Variants in CEP120 observed in about 807,000 individuals in gnomAD.
The protein encoded by CEP120 is centrosomal protein of 120 kDa.
In CEP120, 113 loss-of-function variants were observed where a neutral mutation model predicts 126.5. That is an observed-to-expected ratio of 0.89 (90% CI 0.77 to 1.04). The LOEUF (loss-of-function observed/expected upper bound fraction) is 1.04. CEP120 is among the 50% of genes least tolerant of loss of function. The pLI, the probability that CEP120 is intolerant of heterozygous loss-of-function variation, is 0.00. For synonymous variants in CEP120, 400 were observed against 394.3 expected, an observed-to-expected ratio of 1.01 and a Z score of -0.17; for missense variants, 1,230 against 1,155.7, an observed-to-expected ratio of 1.06 and a Z score of -0.93.
At chr5:123,362,793 C>T (rs542970044) in intron 18 of CEP120, among the ~76,000 whole-genome samples, 8 of 151,764 alleles carry the variant, frequency 5.3e-5, no homozygotes, top group South Asian at 2.1e-4. Context: ...CAAAGGACTC[C>T]TTTATGTCTA....
In CEP120 at chr5:123,386,549, T is replaced by C. The variant is rs374881013; in HGVS notation, c.1549A>G (p.Met517Val). ...AAGGTGTCTTGCAGCTGATGAGGCA[T>C]AGTTGCAAAATCAAATGCACAGTAA... is the stretch of plus-strand genomic sequence containing the variant. ...QSYCAFDFAT[M>V]PHQLQDTFLR... is the part of the protein sequence containing the mutation. The change falls in exon 10 of 20, where the codon ATG becomes GTG. Residue 517 changes from methionine (M) to valine (V), a missense_variant. Met to Val is a conservative substitution (Grantham distance 21). Coordinates refer to ENST00000306467, the MANE Select transcript of CEP120 (RefSeq NM_001375405.1). 12 of 1,586,244 alleles carry C rather than the reference T, an allele frequency of 7.6e-6. No homozygotes were observed. Among genetic ancestry groups the C allele is most frequent in the Non-Finnish European group, 7.7e-6 (9 of 1,168,416 alleles).
chr5:123,350,913 C>G (rs1769158930), intron 18 of CEP120, among the ~76,000 whole-genome samples: 1 of 152,308 alleles, frequency 6.6e-6, no homozygotes, highest in African/African-American at 2.4e-5. Context: ...GACACTTTTG[C>G]TACTACAAAC....
chr5:123,358,694 TCA>T (rs34534235), intron 18 of CEP120, among the ~76,000 whole-genome samples: 1 of 150,930 alleles, frequency 6.6e-6, no homozygotes, highest in Non-Finnish European at 1.5e-5. Context: ...TTAATAATAA[TCA>T]CACACACACA....
intron 18 of CEP120, among the ~76,000 whole-genome samples, chr5:123,355,348 G>T (rs1241079764): frequency 6.6e-6 from 1 of 152,150 alleles, no homozygotes; most frequent in Non-Finnish European, 1.5e-5. Context: ...CCAGATCCCT[G>T]AGGAATCACC....
intron 10 of CEP120, 112 bp from the exon 11 acceptor site, chr5:123,385,245 G>C: frequency 2.7e-6 from 2 of 741,028 alleles, no homozygotes; most frequent in Non-Finnish European, 4.3e-6. Context: ...TTGTTACCTG[G>C]AATGTCGTCT....
rs1311250316 is a variant in CEP120, at chr5:123,384,983, G to C, written c.1731C>G (p.Tyr577Ter). The change falls in exon 11 of 20, where the codon TAC becomes TAG. Residue 577 changes from tyrosine to a stop codon, truncating the protein, a stop_gained. Transcript: ENST00000306467. LOFTEE classifies it high-confidence loss of function. ...CTGCTATAACAGGCACACTTTCACT[G>C]TAAGTTTGACGCCAACACTGTTCAC... ...SNGEQCWRQT[Y>*]SESVPVIAAQ... The C allele has an allele frequency of 6.2e-7, 1 of 1,612,018 alleles. No individual in the cohort carries two copies. The highest frequency in any genetic ancestry group is 1.3e-5 in the African/African-American group (1 of 74,754).
At chr5:123,383,872 T>C (rs538918138) in intron 11 of CEP120, among the ~76,000 whole-genome samples, 6 of 152,230 alleles carry the variant, frequency 3.9e-5, no homozygotes, top group Admixed American at 3.9e-4. Context: ...AAATCAAATA[T>C]ACTCTGGTCA....
intron 17 of CEP120, among the ~76,000 whole-genome samples, chr5:123,369,792 T>C (rs1770721773): frequency 6.6e-6 from 1 of 152,066 alleles, no homozygotes; most frequent in South Asian, 2.1e-4. Flanking sequence ...ATTACTTTTA[T>C]GTTTGACATA....
chr5:123,374,300 CAGT>C (rs1033742085), intron 16 of CEP120, among the ~76,000 whole-genome samples: 3 of 152,028 alleles, frequency 2.0e-5, no homozygotes, highest in African/African-American at 7.2e-5. Context: ...TGAGCTAAGT[CAGT>C]AGCGGGGCAA....
At chr5:123,419,607 G>A (rs1465730789) in intron 1 of CEP120, among the ~76,000 whole-genome samples, 4 of 150,200 alleles carry the variant, frequency 2.7e-5, no homozygotes, top group African/African-American at 9.8e-5. Flanking sequence ...ATAGCCACAT[G>A]GATTCCTTCA....
chr5:123,402,271 AG>A, intron 4 of CEP120: 5 of 1,484,802 alleles, frequency 3.4e-6, no homozygotes, highest in Non-Finnish European at 4.6e-6. Flanking sequence ...CCACTTGTGT[AG>A]GAGTGGCTGC....
At chr5:123,415,613 C>T (rs1479977875) in intron 3 of CEP120, among the ~76,000 whole-genome samples, 2 of 152,038 alleles carry the variant, frequency 1.3e-5, no homozygotes, top group African/African-American at 2.4e-5. Context: ...GTGGCTCACA[C>T]CTGTAATCCC....
intron 17 of CEP120, among the ~76,000 whole-genome samples, chr5:123,365,008 G>A (rs1770355838): frequency 6.6e-6 from 1 of 151,590 alleles, no homozygotes; most frequent in South Asian, 2.1e-4. Context: ...ATCTTCATAT[G>A]GAATTTTGTC....
chr5:123,365,190 T>C (rs894858352), intron 17 of CEP120, among the ~76,000 whole-genome samples: 3 of 151,402 alleles, frequency 2.0e-5, no homozygotes, highest in African/African-American at 7.3e-5. Context: ...TAATGTTCCT[T>C]AATAACACAC....
chr5:123,360,741 G>A (rs763618960), intron 18 of CEP120, among the ~76,000 whole-genome samples: 7 of 151,642 alleles, frequency 4.6e-5, no homozygotes, highest in Non-Finnish European at 7.4e-5. Flanking sequence ...AAGTGTATGA[G>A]GATGCGTGTG....
intron 4 of CEP120, 50 bp downstream of exon 4, chr5:123,412,335 TTCCTAAAGCTCTAG>T: frequency 6.6e-7 from 1 of 1,509,902 alleles, no homozygotes; most frequent in South Asian, 1.4e-5. Flanking sequence ...ACACTCCCGC[TTCCTAAAGCTCTAG>T]TCCAAAGATG....
chr5:123,390,572 T>G (rs1429326776), intron 7 of CEP120, among the ~76,000 whole-genome samples: 1 of 152,236 alleles, frequency 6.6e-6, no homozygotes, highest in African/African-American at 2.4e-5. Flanking sequence ...TCGGTTCTTC[T>G]ATCTTTAATT....
At chr5:123,366,045 A>G (rs1276688036) in intron 17 of CEP120, among the ~76,000 whole-genome samples, 1 of 151,450 alleles carries the variant, frequency 6.6e-6, no homozygotes, top group Non-Finnish European at 1.5e-5. Context: ...ACACATGTAT[A>G]GTTATAGATA....
At chr5:123,423,661 A>G (rs1178504430), upstream of CEP120, 6 of 152,332 alleles carry the variant, frequency 3.9e-5, no homozygotes, top group Non-Finnish European at 8.8e-5. Context: ...TGCTTCAGCC[A>G]CAACCTGAGA....
Sources: gnomAD v4.1 joint callset for allele counts (sites outside exome capture counted in the v4.1 genomes callset) on GRCh38, gnomAD v4.1.1 for gene constraint, MANE v1.5 for transcripts, NCBI Gene and HGNC (gene_info 2026-07-23, HGNC 2026-07-21) for gene names.